Variants in WNT3 observed in about 807,000 individuals in gnomAD.
The protein encoded by WNT3 is proto-oncogene Wnt-3.
Under a neutral mutation model 34.2 loss-of-function variants are expected in WNT3, and 7 were observed. That is an observed-to-expected ratio of 0.20 (90% confidence interval 0.12 to 0.38). The LOEUF is 0.38. Among genes scored for constraint, WNT3 ranks in the 10% least tolerant of loss-of-function variants. The pLI is 1.00. For synonymous variants in WNT3, 212 were observed against 211.5 expected (o/e 1.00, Z -0.02); for missense variants, 267 against 499.8 (o/e 0.53, Z 4.44).
intron 2 of WNT3, among the ~76,000 whole-genome samples, chr17:46,771,499 C>A (rs1359723489): frequency 6.7e-6 from 1 of 149,344 alleles, no homozygotes; most frequent in Non-Finnish European, 1.5e-5. Flanking sequence ...AACGCGGGGG[C>A]GGCGGGGGCG....
intron 4 of WNT3, among the ~76,000 whole-genome samples, chr17:46,765,674 G>A (rs1343173120): frequency 6.6e-6 from 1 of 152,218 alleles, no homozygotes; most frequent in African/African-American, 2.4e-5. Flanking sequence ...GCCGAGCCTG[G>A]GCCCATTGCT....
chr17:46,779,086 CA>C lies in WNT3; in HGVS notation c.81-5178del, dbSNP rs1460508592. On this transcript the variant is annotated intron_variant, in intron 1 of 4. Transcript: ENST00000225512. Reference sequence around the variant, plus strand: ...ACACACACACACACACACACACACACACACACACACACACACACCCCAGCCC... The same window carrying C: ...ACACACACACACACACACACACACACCACACACACACACACACCCCAGCCC... 3.4e-5 allele frequency among the ~76,000 whole-genome samples: 5 copies of C among 147,740 alleles called. No individual in the cohort carries two copies. The East Asian group carries it at 1.1e-3, about 32-fold the overall frequency.
intron 3 of WNT3, 21 bp downstream of exon 3, chr17:46,769,762 G>C (rs1464440593): frequency 1.2e-6 from 2 of 1,607,656 alleles, no homozygotes; most frequent in Admixed American, 3.3e-5. Context: ...TGAAGGGTTT[G>C]GGGAGGGTAG....
At chr17:46,816,473 A>AAG (rs1383433850) in intron 1 of WNT3, among the ~76,000 whole-genome samples, 4 of 77,412 alleles carry the variant, frequency 5.2e-5, no homozygotes, top group African/African-American at 6.9e-5. Flanking sequence ...CCCAGAACAC[A>AAG]CGCACACACA....
At chr17:46,772,839 T>G (rs766568122) in intron 2 of WNT3, among the ~76,000 whole-genome samples, 19 of 141,486 alleles carry the variant, frequency 1.3e-4, no homozygotes, top group Non-Finnish European at 2.3e-4. Context: ...TATAGGCAGC[T>G]CTCATTCATT....
intron 1 of WNT3, among the ~76,000 whole-genome samples, chr17:46,816,836 C>A (rs1402147408): frequency 6.6e-6 from 1 of 152,142 alleles, no homozygotes; most frequent in Admixed American, 6.5e-5. Context: ...GAAAGCAAGG[C>A]GAAAAACGGC....
intron 1 of WNT3, among the ~76,000 whole-genome samples, chr17:46,809,204 G>A (rs1054449833): frequency 6.6e-6 from 1 of 152,222 alleles, no homozygotes; most frequent in Admixed American, 6.5e-5. Flanking sequence ...GAAGAGGGGA[G>A]CCATGGGAGG....
At chr17:46,775,947 T>G (rs1046274995) in intron 1 of WNT3, among the ~76,000 whole-genome samples, 1 of 152,210 alleles carries the variant, frequency 6.6e-6, no homozygotes, top group Non-Finnish European at 1.5e-5. Flanking sequence ...AATGGCTAAT[T>G]ACTGATTTCC....
intron 3 of WNT3, among the ~76,000 whole-genome samples, chr17:46,769,338 G>GAA (rs898521707): frequency 4.7e-5 from 7 of 149,900 alleles, no homozygotes; most frequent in African/African-American, 1.7e-4. Flanking sequence ...AAAAAGAAAA[G>GAA]AAAAAGAAAA....
Position 46,763,418 on chromosome 17 carries a change from T to G in WNT3, c.*1212A>C, listed in dbSNP as rs1384561957. On this transcript the variant is annotated 3_prime_UTR_variant, in exon 5 of 5. Transcript: ENST00000225512. ...ACTTCTAATCCAGATCCTTGGGAAC[T>G]GCATGGATGGAAGCTATCTCAGCAT... The G allele has an allele frequency of 6.6e-6, 1 of 152,194 alleles. No individual in the cohort carries two copies. The highest frequency in any genetic ancestry group is 1.5e-5 in the Non-Finnish European group (1 of 68,060). The allele number at this position is 152,194 out of a possible 1,614,324, so 9.4% of individuals were successfully genotyped here. A position where few individuals can be genotyped will look rare whatever the true frequency, so the allele number is the denominator to read the frequency against.
intron 1 of WNT3, among the ~76,000 whole-genome samples, chr17:46,808,189 G>A (rs1453779564): frequency 6.6e-6 from 1 of 152,158 alleles, no homozygotes; most frequent in Non-Finnish European, 1.5e-5. Context: ...GATCAAGGTC[G>A]CCCCTTACCC....
Position 46,768,939 on chromosome 17 carries a change from T to C in WNT3, c.589-140A>G. On this transcript the variant is annotated intron_variant, in intron 3 of 4. Coordinates refer to ENST00000225512, the MANE Select transcript of WNT3 (RefSeq NM_030753.5). The surrounding 1 kb of genome is among the most constrained non-coding windows in gnomAD (Gnocchi z 5.0). ...TGACAGGAAGAGAACTGATGGGGAC[T>C]GAGGCAAGACCTAAAGAATAGTGAC... The C allele has an allele frequency of 1.5e-6, 2 of 1,323,108 alleles. No homozygotes were observed. The highest frequency in any genetic ancestry group is 2.0e-6 in the Non-Finnish European group (2 of 985,416). The allele number at this position is 1,323,108 out of a possible 1,614,324, so 82.0% of individuals were successfully genotyped here. A position where few individuals can be genotyped will look rare whatever the true frequency, so the allele number is the denominator to read the frequency against.
rs746671229 is a variant in WNT3, at chr17:46,773,674, C to A, written c.316G>T (p.Asp106Tyr). The A allele has an allele frequency of 2.1e-5, 28 of 1,312,606 alleles. No homozygotes were observed. The highest frequency in any genetic ancestry group is 2.8e-5 in the Non-Finnish European group (28 of 990,464). The allele number at this position is 1,312,606 out of a possible 1,614,324, so 81.3% of individuals were successfully genotyped here. A position where few individuals can be genotyped will look rare whatever the true frequency, so the allele number is the denominator to read the frequency against. The change falls in exon 2 of 5, where the codon GAC becomes TAC. Residue 106 changes from aspartate (D) to tyrosine (Y), a missense_variant. Asp to Tyr is a radical substitution (Grantham distance 160). Around this residue, in one of 3 missense-constraint regions of WNT3, gnomAD observed 181 missense variants for 391.3 expected, o/e 0.46. Transcript: ENST00000225512. ...CTCAGCCCCAAGGCAGTACCTTTGT[C>A]GAGGACGGGCCCAAAGATGGCCAGG... ...DSLAIFGPVL[D>Y]KATRESAFVH...
At chr17:46,767,549 A>G (rs2059324572) in intron 4 of WNT3, among the ~76,000 whole-genome samples, 1 of 152,030 alleles carries the variant, frequency 6.6e-6, no homozygotes, top group Non-Finnish European at 1.5e-5. Flanking sequence ...CACCACCATC[A>G]CCACTTTATA....
intron 1 of WNT3, among the ~76,000 whole-genome samples, chr17:46,794,760 T>C (rs1159012961): frequency 1.3e-5 from 2 of 149,792 alleles, no homozygotes; most frequent in South Asian, 4.2e-4. Flanking sequence ...TTCTTTTTTT[T>C]TTTTTTTTTT....
chr17:46,792,843 C>T (rs2084004067), intron 1 of WNT3, among the ~76,000 whole-genome samples: 1 of 152,096 alleles, frequency 6.6e-6, no homozygotes, highest in African/African-American at 2.4e-5. Context: ...ATGTAAAGCA[C>T]TTTACATAGA....
chr17:46,780,750 C>G (rs2059453884), intron 1 of WNT3, among the ~76,000 whole-genome samples: 1 of 151,614 alleles, frequency 6.6e-6, no homozygotes, highest in South Asian at 2.1e-4. Flanking sequence ...GCGCTCCAGC[C>G]TGGGTGACAG....
chr17:46,803,974 C>T (rs1480969829), intron 1 of WNT3, among the ~76,000 whole-genome samples: 9 of 152,188 alleles, frequency 5.9e-5, no homozygotes, highest in Admixed American at 5.2e-4. Flanking sequence ...GCGTGTTTTC[C>T]CTTATGTCCT....
rs760574450 is a variant in WNT3, at chr17:46,768,432, T to G, written c.956A>C (p.His319Pro). Residue 319 changes from histidine (H) to proline (P), a missense_variant, in exon 4 of 5, where the codon CAC (histidine) becomes CCC (proline). This residue lies in a region of WNT3 where 60 missense variants were observed against 82.7 expected (regional missense o/e 0.73). Coordinates refer to ENST00000225512, the MANE Select transcript of WNT3 (RefSeq NM_030753.5). This position sits in a 1 kb window ranked among gnomAD's most constrained non-coding sequence, Gnocchi z 5.0. ...CTTCCGCTTCTCCGTCCTCGTGTTGTGGCCCCGGCCACAGCAGAGCAGATC... is the reference window on the plus strand; with the variant it reads ...CTTCCGCTTCTCCGTCCTCGTGTTGGGGCCCCGGCCACAGCAGAGCAGATC... ...GCDLLCCGRG[H>P]NTRTEKRKEK... is the part of the protein sequence containing the mutation. 1 of 1,614,060 alleles carries G rather than the reference T, an allele frequency of 6.2e-7. No homozygotes were observed.
Sources: allele counts gnomAD v4.1 joint callset (sites outside exome capture counted in the v4.1 genomes callset), GRCh38; gene constraint gnomAD v4.1.1; regional missense constraint gnomAD v4.1.1; non-coding constraint Gnocchi (gnomAD v3.1); transcripts MANE v1.5; gene names NCBI Gene and HGNC (gene_info 2026-07-23, HGNC 2026-07-21).